DENND11: variants seen among roughly 807,000 people sequenced by gnomAD.
DENND11 encodes the protein DENN domain containing 11.
A neutral mutation model predicts 49.2 loss-of-function variants in DENND11; 34 were observed. The observed-to-expected ratio is 0.69, with a 90% CI of 0.53 to 0.92. The LOEUF (loss-of-function observed/expected upper bound fraction) is 0.92. DENND11 is among the 40% of genes least tolerant of loss of function. DENND11 has a pLI of 0.00. For synonymous variants in DENND11, 238 were observed against 230.3 expected, an observed-to-expected ratio of 1.03 and a Z score of -0.30; for missense variants, 475 against 581.6, an observed-to-expected ratio of 0.82 and a Z score of 1.88.
intron 3 of DENND11, among the ~76,000 whole-genome samples, chr7:141,684,522 G>A (rs1471975065): frequency 6.6e-6 from 1 of 152,058 alleles, no homozygotes; most frequent in Non-Finnish European, 1.5e-5. Context: ...ATCTGTGAGT[G>A]TTAATATATG....
chr7:141,680,349 G>T (rs1435333496), intron 3 of DENND11, among the ~76,000 whole-genome samples: 1 of 151,920 alleles, frequency 6.6e-6, no homozygotes, highest in Admixed American at 6.6e-5. Context: ...ATATACATTT[G>T]TATTTGTATA....
rs1289556928 is a variant in DENND11, at chr7:141,686,468, G to A, written c.368+91C>T. On this transcript the variant is annotated intron_variant, in intron 2 of 8. Transcript: ENST00000536163. ...TTCAAGGCATTTACACACAGCACAC[G>A]AAGACCTCCTAATAAGAGCCCTTCA... 15 of 787,006 alleles carry A rather than the reference G, an allele frequency of 1.9e-5. 1 individual carries two copies. Among genetic ancestry groups the A allele is most frequent in the African/African-American group, 8.6e-5 (5 of 58,038 alleles). 48.8% of individuals were successfully genotyped at this position (787,006 alleles called of 1,614,324 possible).
chr7:141,701,845 C>G, intron 1 of DENND11, 41 bp downstream of exon 1: 2 of 1,163,816 alleles, frequency 1.7e-6, no homozygotes, highest in Non-Finnish European at 1.1e-6. Context: ...TCGGGGGCAC[C>G]CCGACCCTCC....
Position 141,686,615 on chromosome 7 carries a change from T to C in DENND11, c.312A>G (p.Glu104=). Residue 104 remains glutamate (E), a synonymous_variant, in exon 2 of 9, where the codon GAA becomes GAG. Transcript: ENST00000536163. ...EWCLPQDIDL[E]GVEFKSMASG... is the part of the protein sequence containing the mutation. ...TGGCCATAGACTTGAACTCAACACC[T>C]TCAAGGTCAATATCTTGAGGTAAGC... is the stretch of plus-strand genomic sequence containing the variant. 1 of 1,613,386 alleles carries C rather than the reference T, an allele frequency of 6.2e-7. No homozygotes were observed. Among genetic ancestry groups the C allele is most frequent in the Non-Finnish European group, 8.5e-7 (1 of 1,179,538 alleles).
chr7:141,685,473 C>A lies in DENND11; in HGVS notation c.527+5G>T, dbSNP rs746151399. The A allele has an allele frequency of 6.2e-7, 1 of 1,613,510 alleles. No homozygotes were observed. The highest frequency in any genetic ancestry group is 1.1e-5 in the South Asian group (1 of 91,070). ...CCTCCCTGCACATGTACGGAAGCCA[C>A]GTACCGAACCTGGTTCTCCAAGAAG... is the stretch of plus-strand genomic sequence containing the variant. On this transcript the variant is annotated splice_donor_5th_base_variant and intron_variant, in intron 3 of 8. Coordinates refer to ENST00000536163, the MANE Select transcript of DENND11 (RefSeq NM_001080392.2).
intron 2 of DENND11, 85 bp downstream of exon 2, chr7:141,686,474 C>T: frequency 1.2e-6 from 1 of 824,738 alleles, no homozygotes; most frequent in Non-Finnish European, 2.1e-6. Flanking sequence ...ACACGAAGAC[C>T]TCCTAATAAG....
At position 141,666,441 on chromosome 7, in the gene DENND11, G is replaced by C. The variant is rs776776156; in HGVS notation, c.682-16C>G. 39 of 1,560,742 alleles carry C rather than the reference G, an allele frequency of 2.5e-5. No individual in the cohort carries two copies. Among genetic ancestry groups the C allele is most frequent in the Admixed American group, 3.5e-5 (2 of 57,238 alleles). On this transcript the variant is annotated splice_polypyrimidine_tract_variant and intron_variant, in intron 4 of 8. Coordinates refer to ENST00000536163, the MANE Select transcript of DENND11 (RefSeq NM_001080392.2). Reference sequence around the variant, plus strand: ...GGTGTGTGATCTGAAAAAATTGAGGGGAATAGGGAGGAGAAAGAGTGAGGA... The same window carrying C: ...GGTGTGTGATCTGAAAAAATTGAGGCGAATAGGGAGGAGAAAGAGTGAGGA...
chr7:141,682,964 A>C (rs1798171500), intron 3 of DENND11, among the ~76,000 whole-genome samples: 1 of 150,800 alleles, frequency 6.6e-6, no homozygotes, highest in Non-Finnish European at 1.5e-5. Flanking sequence ...AAAAAAAAAA[A>C]ACTGAGGAAA....
At position 141,671,842 on chromosome 7, in the gene DENND11, C is replaced by T. The variant is rs767833040; in HGVS notation, c.681+2225G>A. ...CAGAGTACCTCTAATGGCCCTCTAA[C>T]GATTTCTTAATGATTGTCTCTCAGC... On this transcript the variant is annotated intron_variant, in intron 4 of 8. Coordinates refer to ENST00000536163, the MANE Select transcript of DENND11 (RefSeq NM_001080392.2). 5.3e-5 allele frequency among the ~76,000 whole-genome samples: 8 copies of T among 152,196 alleles called. No homozygotes were observed. The South Asian group carries it at 8.3e-4, about 16-fold the overall frequency.
In DENND11 at chr7:141,673,865, G is replaced by A. The variant is rs117394097; in HGVS notation, c.681+202C>T. On this transcript the variant is annotated intron_variant, in intron 4 of 8. Transcript: ENST00000536163. ...ACGCCTTTATACTATGATTACAGAA[G>A]TGTCTAGAAAGCATATTGTTTAAGA... is the stretch of plus-strand genomic sequence containing the variant. Among the ~76,000 whole-genome samples, 298 of 152,210 alleles carry A rather than the reference G, an allele frequency of 2.0e-3. 1 individual carries two copies. The highest frequency in any genetic ancestry group is 1.9e-3 in the Non-Finnish European group (132 of 68,016).
At chr7:141,696,029 A>AAAGGAACTT (rs1309363361) in intron 1 of DENND11, among the ~76,000 whole-genome samples, 1 of 152,224 alleles carries the variant, frequency 6.6e-6, no homozygotes, top group Non-Finnish European at 1.5e-5. Flanking sequence ...GTCTCTGTTT[A>AAAGGAACTT]AAGGAACTTG....
At chr7:141,688,378 C>G (rs1383038962) in intron 1 of DENND11, among the ~76,000 whole-genome samples, 1 of 152,196 alleles carries the variant, frequency 6.6e-6, no homozygotes, top group African/African-American at 2.4e-5. Flanking sequence ...ACAATCTAGT[C>G]TCAGGACATG....
chr7:141,687,490 G>C (rs1268694278), intron 1 of DENND11, among the ~76,000 whole-genome samples: 2 of 151,384 alleles, frequency 1.3e-5, no homozygotes, highest in Non-Finnish European at 2.9e-5. Flanking sequence ...TCGAGACTGA[G>C]TTTCACTTTG....
chr7:141,701,769 G>C (rs1298786899), intron 1 of DENND11, 117 bp downstream of exon 1: 1 of 881,914 alleles, frequency 1.1e-6, no homozygotes, highest in African/African-American at 1.8e-5. Context: ...GCCGGCCCTG[G>C]TGCGGGGTGC....
At chr7:141,669,217 C>T (rs573132551) in intron 4 of DENND11, among the ~76,000 whole-genome samples, 7 of 151,992 alleles carry the variant, frequency 4.6e-5, no homozygotes, top group Non-Finnish European at 7.4e-5. Flanking sequence ...ATATCTGACT[C>T]CTACATTAAA....
At chr7:141,699,576 A>C (rs1481981954) in intron 1 of DENND11, among the ~76,000 whole-genome samples, 1 of 152,170 alleles carries the variant, frequency 6.6e-6, no homozygotes, top group African/African-American at 2.4e-5. Context: ...ACAAGTTACA[A>C]GTGCTCCCTC....
At chr7:141,674,364 C>G in intron 3 of DENND11, 144 bp from the exon 4 acceptor site, 5 of 1,356,368 alleles carry the variant, frequency 3.7e-6, no homozygotes, top group Non-Finnish European at 3.8e-6. Flanking sequence ...CCAAAGATCC[C>G]CATTTGGAGG....
intron 3 of DENND11, among the ~76,000 whole-genome samples, chr7:141,679,257 T>C (rs1798112114): frequency 6.6e-6 from 1 of 152,184 alleles, no homozygotes; most frequent in South Asian, 2.1e-4. Context: ...TTTCTAGCTA[T>C]GACTCAAAAT....
intron 8 of DENND11, chr7:141,663,892 C>G (rs1212922900): frequency 7.3e-6 from 3 of 410,170 alleles, no homozygotes; most frequent in Non-Finnish European, 1.3e-5. Context: ...GACAGAGCTT[C>G]CAGGCAGTGG....
Sources: allele counts gnomAD v4.1 joint callset (sites outside exome capture counted in the v4.1 genomes callset), GRCh38; gene constraint gnomAD v4.1.1; transcripts MANE v1.5; gene names NCBI Gene and HGNC (gene_info 2026-07-23, HGNC 2026-07-21).